The following CPNE4 variants were observed in gnomAD, a reference collection of about 807,000 sequenced individuals.
The protein encoded by CPNE4 is copine 4.
Under a neutral mutation model 67.9 loss-of-function variants are expected in CPNE4, and 25 were observed. The observed-to-expected ratio is 0.37, with a 90% CI of 0.27 to 0.51. The LOEUF (loss-of-function observed/expected upper bound fraction) is 0.51. Ranked by LOEUF, CPNE4 falls within the 20% of genes least tolerant of loss-of-function variation. CPNE4 has a pLI of 0.93. For synonymous variants in CPNE4, 242 were observed against 244.9 expected (o/e 0.99, Z 0.11); for missense variants, 464 against 690.8 (o/e 0.67, Z 3.68).
intron 7 of CPNE4, among the ~76,000 whole-genome samples, chr3:131,646,633 A>G (rs2079673259): frequency 1.3e-5 from 2 of 152,198 alleles, no homozygotes. Context: ...GTTTGAGGGG[A>G]TGGATACCCC....
chr3:131,797,197 A>G (rs1315833774), intron 2 of CPNE4, among the ~76,000 whole-genome samples: 1 of 152,172 alleles, frequency 6.6e-6, no homozygotes, highest in East Asian at 1.9e-4. Context: ...AAAGCAGAAT[A>G]CTTTACACCC....
At chr3:131,773,600 G>A (rs908046604) in intron 2 of CPNE4, among the ~76,000 whole-genome samples, 18 of 151,918 alleles carry the variant, frequency 1.2e-4, no homozygotes, top group Non-Finnish European at 2.5e-4. Context: ...CGCCTGCCTT[G>A]GTCTCCCAGA....
intron 2 of CPNE4, among the ~76,000 whole-genome samples, chr3:131,744,770 G>A (rs1188763294): frequency 6.6e-6 from 1 of 152,160 alleles, no homozygotes; most frequent in Admixed American, 6.5e-5. Context: ...TCAGTAATTT[G>A]TTCCTCTTTA....
intron 1 of CPNE4, among the ~76,000 whole-genome samples, chr3:131,930,784 C>T (rs2071038975): frequency 1.3e-5 from 2 of 152,102 alleles, no homozygotes; most frequent in African/African-American, 4.8e-5. Flanking sequence ...TGCTGCCACC[C>T]TTTAGGGCTT....
chr3:132,013,818 G>A (rs2073828215), intron 1 of CPNE4, among the ~76,000 whole-genome samples: 2 of 152,160 alleles, frequency 1.3e-5, no homozygotes, highest in South Asian at 2.1e-4. Flanking sequence ...CAAAGAGTTT[G>A]TATATCTTGC....
intron 14 of CPNE4, among the ~76,000 whole-genome samples, chr3:131,548,847 A>G (rs989912830): frequency 6.6e-6 from 1 of 152,218 alleles, no homozygotes; most frequent in African/African-American, 2.4e-5. Context: ...GGAATGCTGC[A>G]ATACTAATTA....
intron 1 of CPNE4, among the ~76,000 whole-genome samples, chr3:131,944,799 A>T (rs1373490539): frequency 6.6e-6 from 1 of 152,082 alleles, no homozygotes; most frequent in African/African-American, 2.4e-5. Flanking sequence ...AAAAGCTTCA[A>T]ATGCCAATAT....
chr3:131,887,025 T>A (rs1338948960), intron 2 of CPNE4, among the ~76,000 whole-genome samples: 1 of 152,216 alleles, frequency 6.6e-6, no homozygotes, highest in African/African-American at 2.4e-5. Context: ...TGTGAGGACA[T>A]GAGATTTGGC....
intron 1 of CPNE4, among the ~76,000 whole-genome samples, chr3:131,908,904 T>C (rs942461187): frequency 2.0e-5 from 3 of 152,146 alleles, no homozygotes; most frequent in African/African-American, 7.2e-5. Context: ...AAATAATATA[T>C]GTAATGTGAT....
At chr3:132,001,580 AAAG>A (rs1438132368) in intron 1 of CPNE4, among the ~76,000 whole-genome samples, 2 of 150,528 alleles carry the variant, frequency 1.3e-5, no homozygotes, top group Non-Finnish European at 3.0e-5. Flanking sequence ...AGAAAGAAAG[AAAG>A]AAAGAAAGAA....
intron 7 of CPNE4, among the ~76,000 whole-genome samples, chr3:131,657,532 ATTT>A (rs55842033): frequency 0.21 from 24,760 of 120,148 alleles, 2,675 homozygotes; most frequent in East Asian, 0.6. Context: ...AATTATCTGT[ATTT>A]TTTTTTTTTT....
intron 2 of CPNE4, among the ~76,000 whole-genome samples, chr3:131,738,415 C>T (rs953057437): frequency 5.9e-5 from 9 of 152,070 alleles, no homozygotes; most frequent in African/African-American, 1.7e-4. Flanking sequence ...AACCAGTGGG[C>T]GACCAAAGGA....
rs1338983847 is a variant in CPNE4, at chr3:131,579,572, G to T, written c.867+2007C>A. On this transcript the variant is annotated intron_variant, in intron 9 of 15. Coordinates refer to ENST00000429747, the MANE Select transcript of CPNE4 (RefSeq NM_130808.3). ...TTTCTGGAAAAGATTCATGATTCTA[G>T]ATGCCATTAAGAACATTCATGAGTC... 3.3e-5 allele frequency among the ~76,000 whole-genome samples: 5 copies of T among 152,178 alleles called. No homozygotes were observed. In the East Asian group the frequency reaches 7.7e-4, roughly 23 times the overall value.
At chr3:131,849,078 C>A (rs770239963) in intron 2 of CPNE4, among the ~76,000 whole-genome samples, 86 of 151,546 alleles carry the variant, frequency 5.7e-4, no homozygotes, top group Middle Eastern at 3.4e-3. Flanking sequence ...TGATTACAAT[C>A]CTAATGGTCG....
At chr3:131,608,141 A>T (rs1939616337) in intron 7 of CPNE4, among the ~76,000 whole-genome samples, 1 of 152,184 alleles carries the variant, frequency 6.6e-6, no homozygotes. Flanking sequence ...TATTTTTTTC[A>T]TTCAATTAAT....
At chr3:131,984,471 T>G (rs1156529739) in intron 1 of CPNE4, among the ~76,000 whole-genome samples, 1 of 152,180 alleles carries the variant, frequency 6.6e-6, no homozygotes, top group Non-Finnish European at 1.5e-5. Flanking sequence ...TAATGCTGCT[T>G]TAACTCTTCT....
At chr3:132,001,548 A>AG (rs2073434133) in intron 1 of CPNE4, among the ~76,000 whole-genome samples, 1 of 136,684 alleles carries the variant, frequency 7.3e-6, no homozygotes, top group Non-Finnish European at 1.5e-5. Flanking sequence ...GAGACAAAGA[A>AG]AAAAGAGAAA....
chr3:131,551,472 G>A (rs999668067), intron 13 of CPNE4, among the ~76,000 whole-genome samples: 4 of 152,020 alleles, frequency 2.6e-5, no homozygotes, highest in Non-Finnish European at 1.5e-5. Context: ...ATTCTGCTGT[G>A]GGGGAAACCA....
At chr3:131,799,928 TGTGTGTGTG>T in intron 2 of CPNE4, among the ~76,000 whole-genome samples, 1 of 38,518 alleles carries the variant, frequency 2.6e-5, no homozygotes, top group East Asian at 8.4e-4. Context: ...GTTGTGTGTG[TGTGTGTGTG>T]TGTGTGTGTG....
Sources: allele counts gnomAD v4.1 joint callset (sites outside exome capture counted in the v4.1 genomes callset), GRCh38; gene constraint gnomAD v4.1.1; transcripts MANE v1.5; gene names NCBI Gene and HGNC (gene_info 2026-07-23, HGNC 2026-07-21).